Variants in RIMS1 observed in about 807,000 individuals in gnomAD.
The protein encoded by RIMS1 is regulating synaptic membrane exocytosis protein 1.
Under a neutral mutation model 214.1 loss-of-function variants are expected in RIMS1, and 83 were observed. The observed-to-expected ratio is 0.39, with a 90% CI of 0.32 to 0.47. RIMS1 has a LOEUF of 0.47. Among genes scored for constraint, RIMS1 ranks in the 20% least tolerant of loss-of-function variants. The pLI, the probability that RIMS1 is intolerant of heterozygous loss-of-function variation, is 0.99. For synonymous variants in RIMS1, 793 were observed against 786.8 expected, an observed-to-expected ratio of 1.01 and a Z score of -0.13; for missense variants, 2,050 against 2,161.8, an observed-to-expected ratio of 0.95 and a Z score of 1.03.
intron 6 of RIMS1, among the ~76,000 whole-genome samples, chr6:72,199,319 G>A (rs1338010926): frequency 2.6e-5 from 4 of 152,014 alleles, no homozygotes; most frequent in Admixed American, 2.6e-4. Context: ...ACAGCCAATT[G>A]GGCCATAAAC....
At chr6:72,256,954 T>A (rs1363729642) in intron 16 of RIMS1, among the ~76,000 whole-genome samples, 2 of 151,990 alleles carry the variant, frequency 1.3e-5, no homozygotes, top group East Asian at 3.8e-4. Context: ...ATTTCTTTAG[T>A]CTGAATATTG....
intron 26 of RIMS1, among the ~76,000 whole-genome samples, chr6:72,306,656 C>T (rs544878944): frequency 2.0e-4 from 30 of 152,122 alleles, no homozygotes; most frequent in Middle Eastern, 6.8e-3. Flanking sequence ...TTATGTGGTC[C>T]GGATATAGCC....
intron 6 of RIMS1, among the ~76,000 whole-genome samples, chr6:72,209,218 C>T (rs1273859167): frequency 6.6e-6 from 1 of 152,160 alleles, no homozygotes; most frequent in Non-Finnish European, 1.5e-5. Flanking sequence ...TGATAGATAG[C>T]GTCAAATACT....
intron 1 of RIMS1, among the ~76,000 whole-genome samples, chr6:71,901,096 A>G (rs1173983193): frequency 1.3e-5 from 2 of 152,078 alleles, no homozygotes; most frequent in Non-Finnish European, 2.9e-5. Flanking sequence ...AATTAGATGA[A>G]CAAACAAGGA....
At chr6:72,375,103 TG>T (rs1490864743) in intron 29 of RIMS1, among the ~76,000 whole-genome samples, 1 of 152,208 alleles carries the variant, frequency 6.6e-6, no homozygotes, top group East Asian at 1.9e-4. Flanking sequence ...CTGTGCAGCC[TG>T]CTTCCCAACA....
intron 2 of RIMS1, among the ~76,000 whole-genome samples, chr6:71,988,279 A>G (rs1293772721): frequency 1.3e-5 from 2 of 152,098 alleles, no homozygotes; most frequent in African/African-American, 4.8e-5. Flanking sequence ...CTGAGTCTGA[A>G]TCCTGATTGC....
At chr6:72,382,228 C>G (rs1267958242) in intron 29 of RIMS1, among the ~76,000 whole-genome samples, 3 of 152,104 alleles carry the variant, frequency 2.0e-5, no homozygotes, top group African/African-American at 7.2e-5. Context: ...AAATAATCCT[C>G]CAACCTATGA....
At position 71,893,316 on chromosome 6, in the gene RIMS1, C is replaced by CT. The variant is rs1208098832; in HGVS notation, c.164+6140dup. ...AGACTATATTTACCTTCTTTCTTTT[C>CT]TTTTTTTTTTTCCCCTCTCATTAAA... On this transcript the variant is annotated intron_variant, in intron 1 of 33. Coordinates refer to ENST00000521978, the MANE Select transcript of RIMS1 (RefSeq NM_014989.7). Among the ~76,000 whole-genome samples the CT allele has an allele frequency of 9.4e-3, 1,365 of 145,608 alleles. 64 individuals are homozygous for CT. Among genetic ancestry groups the CT allele is most frequent in the Admixed American group, 0.078 (1,134 of 14,574 alleles).
intron 29 of RIMS1, among the ~76,000 whole-genome samples, chr6:72,358,904 C>T (rs1198481451): frequency 1.3e-5 from 2 of 152,138 alleles, no homozygotes; most frequent in Non-Finnish European, 2.9e-5. Flanking sequence ...CACTGACTGC[C>T]CTCAGAGGGC....
intron 1 of RIMS1, among the ~76,000 whole-genome samples, chr6:71,959,058 A>G (rs73547305): frequency 0.035 from 5,297 of 152,196 alleles, 300 homozygotes; most frequent in African/African-American, 0.12. Context: ...ATATTTTAGG[A>G]AAAAGAGGCC....
intron 2 of RIMS1, among the ~76,000 whole-genome samples, chr6:72,004,734 A>C (rs1806756789): frequency 6.6e-6 from 1 of 151,442 alleles, no homozygotes; most frequent in South Asian, 2.1e-4. Context: ...TTTTTCTTGT[A>C]AATTTGTTTG....
chr6:71,891,158 A>G (rs1192251), intron 1 of RIMS1, among the ~76,000 whole-genome samples: 4,770 of 152,306 alleles, frequency 0.031, 239 homozygotes, highest in African/African-American at 0.11. Flanking sequence ...ATAGAGTGTT[A>G]GAAGGTAATA....
Position 72,160,022 on chromosome 6 carries a change from G to T in RIMS1, c.472-19553G>T, listed in dbSNP as rs528796463. On this transcript the variant is annotated intron_variant, in intron 4 of 33. Coordinates refer to ENST00000521978, the MANE Select transcript of RIMS1 (RefSeq NM_014989.7). ...CGATATTGATTCTTCCTACCCATGA[G>T]CATGGAATGTTCTTCCATTTGTTTG... is the stretch of plus-strand genomic sequence containing the variant. Among the ~76,000 whole-genome samples, 39 of 132,344 alleles carry T rather than the reference G, an allele frequency of 2.9e-4. 6 individuals carry two copies. The highest frequency in any genetic ancestry group is 3.5e-3 in the Middle Eastern group (1 of 282). 86.8% of individuals were successfully genotyped at this position (132,344 alleles called of 152,430 possible).
intron 27 of RIMS1, among the ~76,000 whole-genome samples, chr6:72,309,743 A>T (rs1022050471): frequency 6.6e-6 from 1 of 152,086 alleles, no homozygotes; most frequent in East Asian, 1.9e-4. Context: ...TATGAGATCA[A>T]AGATATGGTA....
At chr6:72,263,629 A>C in intron 19 of RIMS1, 1 of 985,358 alleles carries the variant, frequency 1.0e-6, no homozygotes, top group Non-Finnish European at 1.2e-6. Flanking sequence ...TATTTGCCTG[A>C]GGTTAGGAGT....
chr6:72,203,922 A>G (rs2052467998), intron 6 of RIMS1, among the ~76,000 whole-genome samples: 1 of 151,682 alleles, frequency 6.6e-6, no homozygotes, highest in South Asian at 2.1e-4. Flanking sequence ...TCCCATGAGA[A>G]TTTTTTTTTG....
intron 2 of RIMS1, among the ~76,000 whole-genome samples, chr6:72,040,898 A>C (rs1445467872): frequency 6.6e-6 from 1 of 151,820 alleles, no homozygotes; most frequent in Non-Finnish European, 1.5e-5. Context: ...ATGGTTTAAA[A>C]AATATTTGGT....
chr6:71,976,490 TAGA>T (rs763598044), intron 2 of RIMS1, among the ~76,000 whole-genome samples: 69 of 152,188 alleles, frequency 4.5e-4, no homozygotes, highest in Non-Finnish European at 5.9e-4. Context: ...ATGTAATGGA[TAGA>T]AGATCTTTGT....
intron 26 of RIMS1, among the ~76,000 whole-genome samples, chr6:72,304,321 T>A (rs1317400210): frequency 6.6e-6 from 1 of 151,758 alleles, no homozygotes; most frequent in African/African-American, 2.4e-5. Context: ...AATATAAAAA[T>A]TTTAAATGAC....
Sources: gnomAD v4.1 joint callset for allele counts (sites outside exome capture counted in the v4.1 genomes callset) on GRCh38, gnomAD v4.1.1 for gene constraint, MANE v1.5 for transcripts, NCBI Gene and HGNC (gene_info 2026-07-23, HGNC 2026-07-21) for gene names.